AHI1: variants seen among roughly 807,000 people sequenced by gnomAD.
AHI1 encodes Abelson helper integration site 1.
In AHI1, 123 loss-of-function variants were observed where a neutral mutation model predicts 149.3. The ratio of observed to expected loss-of-function variants is 0.82; its 90% CI spans 0.71 to 0.96. The LOEUF (loss-of-function observed/expected upper bound fraction) is 0.96, where lower values mean the gene tolerates loss of function less well. Ranked by LOEUF, AHI1 falls within the 40% of genes least tolerant of loss-of-function variation. The pLI is 0.00. For synonymous variants in AHI1, 475 were observed against 459.8 expected (o/e 1.03, Z -0.42); for missense variants, 1,439 against 1,422.7 (o/e 1.01, Z -0.18).
chr6:135,447,416 A>C (rs1787413781), intron 12 of AHI1, among the ~76,000 whole-genome samples: 1 of 152,252 alleles, frequency 6.6e-6, no homozygotes, highest in South Asian at 2.1e-4. Context: ...AAATGATTTT[A>C]ATAACTCTAT....
At chr6:135,289,547 C>G (rs1187775741) in intron 28 of AHI1, among the ~76,000 whole-genome samples, 2 of 152,048 alleles carry the variant, frequency 1.3e-5, no homozygotes, top group African/African-American at 2.4e-5. Context: ...TAAATCTCTT[C>G]CATCCCAGGT....
chr6:135,330,560 G>T (rs887033874), intron 24 of AHI1, among the ~76,000 whole-genome samples: 1 of 152,164 alleles, frequency 6.6e-6, no homozygotes, highest in African/African-American at 2.4e-5. Flanking sequence ...AATTTGTGTG[G>T]CTTGTTTCAC....
intron 26 of AHI1, among the ~76,000 whole-genome samples, chr6:135,316,697 T>C (rs973875649): frequency 1.3e-5 from 2 of 152,170 alleles, no homozygotes; most frequent in Non-Finnish European, 2.9e-5. Context: ...TATAGCTCTA[T>C]GACATACTTT....
chr6:135,465,715 CG>C, intron 7 of AHI1, 98 bp downstream of exon 7: 2 of 992,582 alleles, frequency 2.0e-6, no homozygotes, highest in African/African-American at 1.7e-5. Flanking sequence ...CAAATAAAAG[CG>C]TAAGAATTTT....
At chr6:135,369,485 C>T (rs967713230) in intron 23 of AHI1, among the ~76,000 whole-genome samples, 1 of 152,226 alleles carries the variant, frequency 6.6e-6, no homozygotes, top group Non-Finnish European at 1.5e-5. Context: ...ATGCTGATGA[C>T]TGCTTCTCCT....
intron 7 of AHI1, among the ~76,000 whole-genome samples, chr6:135,465,000 T>C (rs79195778): frequency 0.042 from 6,364 of 152,292 alleles, 382 homozygotes; most frequent in African/African-American, 0.13. Flanking sequence ...ATAACTAATA[T>C]ATACTATCAT....
intron 5 of AHI1, among the ~76,000 whole-genome samples, chr6:135,488,391 T>G (rs1794780440): frequency 1.3e-5 from 2 of 152,156 alleles, no homozygotes; most frequent in African/African-American, 4.8e-5. Flanking sequence ...CTGATTAGAT[T>G]TTTCCGTAGT....
chr6:135,421,619 C>T (rs189584644), intron 20 of AHI1, among the ~76,000 whole-genome samples: 1 of 152,046 alleles, frequency 6.6e-6, no homozygotes, highest in African/African-American at 2.4e-5. Context: ...TATTTTACAT[C>T]ATATCATTCA....
At chr6:135,420,221 A>G (rs1782956870) in intron 20 of AHI1, among the ~76,000 whole-genome samples, 1 of 152,196 alleles carries the variant, frequency 6.6e-6, no homozygotes, top group Non-Finnish European at 1.5e-5. Flanking sequence ...CTTATGAATC[A>G]TGAATGTTCT....
chr6:135,396,208 C>T (rs1447639598), intron 22 of AHI1, among the ~76,000 whole-genome samples: 3 of 151,708 alleles, frequency 2.0e-5, no homozygotes, highest in East Asian at 1.9e-4. Context: ...TCAAATACCA[C>T]ATCAGTCCTA....
chr6:135,447,168 T>C lies in AHI1; in HGVS notation c.1627-8A>G. On this transcript the variant is annotated splice_polypyrimidine_tract_variant and splice_region_variant and intron_variant, in intron 12 of 28. Transcript: ENST00000265602. ...GCGGTAAGATGGCTTTATCTAAATA[T>C]GCATTAAAATATGAAAATTTATATA... The C allele has an allele frequency of 2.0e-6, 3 of 1,507,210 alleles. No homozygotes were observed. Among genetic ancestry groups the C allele is most frequent in the Non-Finnish European group, 2.7e-6 (3 of 1,127,248 alleles). 93.4% of individuals were successfully genotyped at this position (1,507,210 alleles called of 1,614,324 possible).
chr6:135,290,553 G>A (rs1343570589), intron 27 of AHI1, 28 bp from the exon 28 acceptor site: 2 of 1,612,846 alleles, frequency 1.2e-6, no homozygotes, highest in Admixed American at 3.3e-5. Context: ...CAGAAACAAG[G>A]AGCCAGTAAA....
At position 135,465,883 on chromosome 6, in the gene AHI1, T is replaced by A; in HGVS notation, c.680A>T (p.Asp227Val). ...CCTTTTTTCACTGCTTAGTTTGTCA[T>A]CATGGAATAAAGTATCTGAGGGAAA... The part of the protein sequence containing the change: ...TYFPSDTLFH[D>V]DKLSSEKRKK... The change falls in exon 7 of 29, where the codon GAT becomes GTT. Residue 227 changes from aspartate to valine, a missense_variant. Transcript: ENST00000265602. 1 of 1,548,868 alleles carries A rather than the reference T, an allele frequency of 6.5e-7. No individual in the cohort carries two copies. Among genetic ancestry groups the A allele is most frequent in the Admixed American group, 2.0e-5 (1 of 48,868 alleles).
intron 28 of AHI1, 28 bp from the exon 29 acceptor site, chr6:135,285,675 T>A: frequency 6.3e-7 from 1 of 1,579,658 alleles, no homozygotes; most frequent in Non-Finnish European, 8.7e-7. Context: ...CAAAATGTAC[T>A]AAATAAACTT....
chr6:135,419,323 C>A (rs1782821522), intron 20 of AHI1, among the ~76,000 whole-genome samples: 1 of 152,082 alleles, frequency 6.6e-6, no homozygotes, highest in African/African-American at 2.4e-5. Flanking sequence ...ATTCCATTAT[C>A]AATCATCACA....
At chr6:135,330,769 G>A (rs892825450) in intron 24 of AHI1, among the ~76,000 whole-genome samples, 3 of 152,164 alleles carry the variant, frequency 2.0e-5, no homozygotes, top group African/African-American at 7.2e-5. Flanking sequence ...CGTGGCTCAC[G>A]GGAATCTGCT....
intron 23 of AHI1, among the ~76,000 whole-genome samples, chr6:135,379,337 G>A (rs572217094): frequency 3.3e-5 from 5 of 152,090 alleles, no homozygotes; most frequent in South Asian, 2.1e-4. Context: ...AGACCTCCAC[G>A]TTAATGATTT....
At chr6:135,447,647 A>G (rs951423237) in intron 12 of AHI1, among the ~76,000 whole-genome samples, 2 of 152,244 alleles carry the variant, frequency 1.3e-5, no homozygotes, top group African/African-American at 4.8e-5. Context: ...GACCTGAAAA[A>G]TTAATGTCTT....
At chr6:135,309,702 G>A (rs1017706182) in intron 26 of AHI1, among the ~76,000 whole-genome samples, 4 of 151,980 alleles carry the variant, frequency 2.6e-5, no homozygotes, top group South Asian at 2.1e-4. Context: ...GGCTGGTCTC[G>A]AACTCCCGAC....
Sources: allele counts gnomAD v4.1 joint callset (sites outside exome capture counted in the v4.1 genomes callset), GRCh38; gene constraint gnomAD v4.1.1; transcripts MANE v1.5; gene names NCBI Gene and HGNC (gene_info 2026-07-23, HGNC 2026-07-21).